The following UNC79 variants were observed in gnomAD, a reference collection of about 807,000 sequenced individuals.
The protein encoded by UNC79 is protein unc-79 homolog.
UNC79 carries 37 observed loss-of-function variants against 283.1 expected under a neutral mutation model. The ratio of observed to expected loss-of-function variants is 0.13; its 90% confidence interval spans 0.10 to 0.17. UNC79 has a LOEUF of 0.17. Among genes scored for constraint, UNC79 ranks in the 10% least tolerant of loss-of-function variants. The pLI is 1.00. For missense variants in UNC79, 2,272 were observed against 3,211.1 expected, an observed-to-expected ratio of 0.71 and a Z score of 7.07; for synonymous variants, 1,107 against 1,200.2, an observed-to-expected ratio of 0.92 and a Z score of 1.61.
intron 47 of UNC79, among the ~76,000 whole-genome samples, chr14:93,700,901 C>T (rs772716772): frequency 1.6e-4 from 25 of 151,982 alleles, no homozygotes; most frequent in African/African-American, 4.4e-4. Context: ...CTAAGATTTT[C>T]GGGTCGTTTT....
At chr14:93,447,279 T>C (rs1270353502) in intron 1 of UNC79, among the ~76,000 whole-genome samples, 1 of 152,184 alleles carries the variant, frequency 6.6e-6, no homozygotes, top group Non-Finnish European at 1.5e-5. Context: ...TCTTTTTAAA[T>C]ATTCTTTTTT....
rs2055828826 is a variant in UNC79 at position 93,430,357 on chromosome 14, G to C, written c.-673G>C. 6.6e-6 allele frequency: 1 copy of C among 152,500 alleles called. No homozygotes were observed. Among genetic ancestry groups the C allele is most frequent in the Non-Finnish European group, 1.5e-5 (1 of 68,232 alleles). 9.4% of individuals were successfully genotyped at this position (152,500 alleles called of 1,614,324 possible). A position where few individuals can be genotyped will look rare whatever the true frequency, so the allele number is the denominator to read the frequency against. ...GGCAGGGACCGCAGCGCACAGGGAA[G>C]CCATGCTGAGGGTTCCTCCTGCATT... On this transcript the variant is annotated 5_prime_UTR_variant, in exon 1 of 49. Coordinates refer to ENST00000555664, the Ensembl canonical transcript of UNC79. This position sits in a 1 kb window ranked among gnomAD's most constrained non-coding sequence, Gnocchi z 4.6.
At chr14:93,614,011 A>G (rs1421321461) in intron 27 of UNC79, among the ~76,000 whole-genome samples, 2 of 151,732 alleles carry the variant, frequency 1.3e-5, no homozygotes, top group Non-Finnish European at 2.9e-5. Flanking sequence ...ATCTATTAAA[A>G]TTGCCATTTT....
At chr14:93,646,073 T>C (rs2069565995) in intron 34 of UNC79, among the ~76,000 whole-genome samples, 1 of 152,346 alleles carries the variant, frequency 6.6e-6, no homozygotes, top group South Asian at 2.1e-4. Context: ...ACCGTATAAT[T>C]ATACTTTTCT....
intron 25 of UNC79, among the ~76,000 whole-genome samples, chr14:93,601,475 A>G (rs564530844): frequency 6.6e-6 from 1 of 152,336 alleles, no homozygotes; most frequent in South Asian, 2.1e-4. Flanking sequence ...GTACATATGT[A>G]TACCACATTT....
intron 1 of UNC79, among the ~76,000 whole-genome samples, chr14:93,371,400 C>T (rs756123741): frequency 3.3e-5 from 5 of 151,656 alleles, no homozygotes; most frequent in African/African-American, 7.3e-5. Flanking sequence ...AAAACAAAAA[C>T]AAAACCCAAA....
At chr14:93,583,710 G>A (rs186059124) in intron 20 of UNC79, among the ~76,000 whole-genome samples, 1 of 152,070 alleles carries the variant, frequency 6.6e-6, no homozygotes, top group Non-Finnish European at 1.5e-5. Context: ...GGCAACCCCT[G>A]GGGGGAAGAG....
At chr14:93,570,348 C>T (rs1004145325) in intron 14 of UNC79, among the ~76,000 whole-genome samples, 4 of 152,138 alleles carry the variant, frequency 2.6e-5, no homozygotes, top group Non-Finnish European at 5.9e-5. Context: ...ACATGGAAAC[C>T]AAAAGATTCC....
At chr14:93,642,527 A>G (rs2069151817) in intron 33 of UNC79, among the ~76,000 whole-genome samples, 1 of 151,794 alleles carries the variant, frequency 6.6e-6, no homozygotes, top group African/African-American at 2.4e-5. Context: ...CCTGACAGCC[A>G]TGACTGAAGA....
chr14:93,660,093 C>T (rs562420340), intron 39 of UNC79, among the ~76,000 whole-genome samples: 1 of 152,298 alleles, frequency 6.6e-6, no homozygotes, highest in African/African-American at 2.4e-5. Context: ...TGTATTTCTG[C>T]ACTGCATTCG....
chr14:93,558,692 A>G (rs539451909), intron 14 of UNC79, among the ~76,000 whole-genome samples: 13 of 132,304 alleles, frequency 9.8e-5, no homozygotes, highest in Non-Finnish European at 2.0e-4. Flanking sequence ...CCTGGCTGGT[A>G]AGAAATTCTT....
chr14:93,472,841 A>G (rs938416703), intron 2 of UNC79, among the ~76,000 whole-genome samples: 59 of 152,150 alleles, frequency 3.9e-4, no homozygotes, highest in African/African-American at 1.4e-3. Flanking sequence ...CCATTTATAA[A>G]CTGTTATCTA....
intron 24 of UNC79, among the ~76,000 whole-genome samples, chr14:93,600,179 G>A (rs1245564920): frequency 3.3e-5 from 5 of 152,108 alleles, no homozygotes; most frequent in Non-Finnish European, 2.9e-5. Context: ...CAGCCTGGGC[G>A]ACAGAGTGAG....
chr14:93,602,727 A>C (rs2065602265), intron 25 of UNC79, among the ~76,000 whole-genome samples: 1 of 152,120 alleles, frequency 6.6e-6, no homozygotes, highest in Non-Finnish European at 1.5e-5. Flanking sequence ...TGCAACCTCC[A>C]ACTCTTGGGC....
intron 14 of UNC79, among the ~76,000 whole-genome samples, chr14:93,564,492 G>T (rs1227146508): frequency 6.6e-6 from 1 of 152,222 alleles, no homozygotes; most frequent in Non-Finnish European, 1.5e-5. Context: ...ATATCCTTTG[G>T]AGAATAAACG....
At chr14:93,658,221 CCTT>C (rs2071162819) in intron 38 of UNC79, among the ~76,000 whole-genome samples, 1 of 152,286 alleles carries the variant, frequency 6.6e-6, no homozygotes, top group African/African-American at 2.4e-5. Context: ...GCCACTGAAA[CCTT>C]CTATAGTTTG....
chr14:93,417,595 T>C (rs1483822795), intron 1 of UNC79, among the ~76,000 whole-genome samples: 2 of 152,256 alleles, frequency 1.3e-5, no homozygotes, highest in Non-Finnish European at 2.9e-5. Context: ...GAAGTTCTCC[T>C]GGATAATATC....
chr14:93,657,603 G>A (rs865859231), intron 38 of UNC79, among the ~76,000 whole-genome samples: 8 of 152,094 alleles, frequency 5.3e-5, no homozygotes, highest in Non-Finnish European at 5.9e-5. Context: ...CTCCTGCCTC[G>A]GCCTCCCAAA....
chr14:93,497,918 G>A (rs550040057), intron 7 of UNC79, among the ~76,000 whole-genome samples: 6 of 151,998 alleles, frequency 3.9e-5, no homozygotes, highest in African/African-American at 7.2e-5. Flanking sequence ...TCTGGGAGGC[G>A]TAAATTGCAA....
Sources: gnomAD v4.1 joint callset for allele counts (sites outside exome capture counted in the v4.1 genomes callset) on GRCh38, gnomAD v4.1.1 for gene constraint, Gnocchi (gnomAD v3.1) non-coding constraint, MANE v1.5 for transcripts, NCBI Gene and HGNC (gene_info 2026-07-23, HGNC 2026-07-21) for gene names.